The following PTPRE variants were observed in gnomAD, a reference collection of about 807,000 sequenced individuals.
The protein encoded by PTPRE is receptor-type tyrosine-protein phosphatase epsilon.
A neutral mutation model predicts 102.0 loss-of-function variants in PTPRE; 51 were observed. The observed-to-expected ratio is 0.50, with a 90% confidence interval of 0.40 to 0.63. The LOEUF is 0.63. PTPRE is among the 30% of genes least tolerant of loss of function. The pLI, the probability that PTPRE is intolerant of heterozygous loss-of-function variation, is 0.00. For missense variants in PTPRE, 752 were observed against 915.1 expected, an observed-to-expected ratio of 0.82 and a Z score of 2.30; for synonymous variants, 345 against 348.2, an observed-to-expected ratio of 0.99 and a Z score of 0.10.
chr10:127,968,792 T>C lies in PTPRE; in HGVS notation c.-30-13482T>C, dbSNP rs567497683. 1.1e-4 allele frequency among the ~76,000 whole-genome samples: 17 copies of C among 152,372 alleles called. 1 individual carries two copies. In the South Asian group the frequency reaches 3.5e-3, roughly 32 times the overall value. ...TTAAAAATATGTTGTGGCAGCACTT[T>C]GCATGAGCAGACCATAGTATAAATG... On this transcript the variant is annotated intron_variant, in intron 1 of 20. Transcript: ENST00000254667.
At chr10:128,040,452 G>T (rs1330454493) in intron 2 of PTPRE, among the ~76,000 whole-genome samples, 1 of 152,174 alleles carries the variant, frequency 6.6e-6, no homozygotes, top group East Asian at 1.9e-4. Context: ...CGTGGCCAGA[G>T]AACAGGGCTT....
At chr10:127,911,020 T>A (rs1208239127) in intron 1 of PTPRE, among the ~76,000 whole-genome samples, 1 of 152,184 alleles carries the variant, frequency 6.6e-6, no homozygotes, top group East Asian at 1.9e-4. Context: ...AGGTCAGGGC[T>A]GCAGTGAGCC....
chr10:128,043,879 C>T (rs528639991), intron 3 of PTPRE, among the ~76,000 whole-genome samples: 5 of 152,270 alleles, frequency 3.3e-5, no homozygotes, highest in Non-Finnish European at 7.4e-5. Flanking sequence ...GGAGAACTGC[C>T]CCGTGGTGCA....
At chr10:127,919,337 G>C (rs1846430477) in intron 1 of PTPRE, among the ~76,000 whole-genome samples, 2 of 152,210 alleles carry the variant, frequency 1.3e-5, no homozygotes, top group Admixed American at 1.3e-4. Flanking sequence ...TTGCGCTTTA[G>C]ATGTTAACAA....
Position 128,085,227 on chromosome 10 carries a change from T to G in PTPRE, c.*2321T>G, listed in dbSNP as rs749328679. The G allele has an allele frequency of 1.3e-5, 5 of 384,648 alleles. No individual in the cohort carries two copies. Among genetic ancestry groups the G allele is most frequent in the Non-Finnish European group, 2.6e-5 (5 of 189,480 alleles). 23.8% of individuals were successfully genotyped at this position (384,648 alleles called of 1,614,324 possible). On this transcript the variant is annotated 3_prime_UTR_variant, in exon 21 of 21. Coordinates refer to ENST00000254667, the MANE Select transcript of PTPRE (RefSeq NM_006504.6). Reference sequence around the variant, plus strand: ...TCCTGGGCCTTGGAGCACCTCACGCTGGGGGAATCAATCCCTGAGGGACTC... The same window carrying G: ...TCCTGGGCCTTGGAGCACCTCACGCGGGGGGAATCAATCCCTGAGGGACTC...
chr10:127,977,027 TA>T (rs1267495162), intron 1 of PTPRE, among the ~76,000 whole-genome samples: 1 of 152,220 alleles, frequency 6.6e-6, no homozygotes, highest in Non-Finnish European at 1.5e-5. Flanking sequence ...GTTATTTTTT[TA>T]TTTGGAGTAA....
intron 1 of PTPRE, among the ~76,000 whole-genome samples, chr10:127,937,201 T>C (rs1847900423): frequency 6.6e-6 from 1 of 152,214 alleles, no homozygotes; most frequent in South Asian, 2.1e-4. Context: ...AACTTGTATT[T>C]ATTCACATGA....
chr10:127,931,469 C>A (rs115128770), intron 1 of PTPRE, among the ~76,000 whole-genome samples: 1,681 of 152,338 alleles, frequency 0.011, 29 homozygotes, highest in African/African-American at 0.038. Context: ...AAGTCCGCCT[C>A]AAGGCAGAAG....
chr10:127,940,522 G>A (rs551021319), intron 1 of PTPRE, among the ~76,000 whole-genome samples: 3 of 152,158 alleles, frequency 2.0e-5, no homozygotes, highest in South Asian at 2.1e-4. Flanking sequence ...CACTGGCAGA[G>A]TCCCCCTGCT....
At chr10:128,035,237 G>T (rs1847109924) in intron 2 of PTPRE, among the ~76,000 whole-genome samples, 1 of 151,100 alleles carries the variant, frequency 6.6e-6, no homozygotes, top group African/African-American at 2.4e-5. Context: ...TGTCGGCCTG[G>T]GCATCCAAAA....
chr10:127,929,415 A>G (rs2135225720), intron 1 of PTPRE: 1 of 152,358 alleles, frequency 6.6e-6, no homozygotes, highest in East Asian at 1.9e-4. Flanking sequence ...TTTTTAAGAG[A>G]TCAGCAAAGA....
chr10:128,002,164 C>T (rs1853984378), intron 2 of PTPRE, among the ~76,000 whole-genome samples: 2 of 152,142 alleles, frequency 1.3e-5, no homozygotes, highest in Non-Finnish European at 2.9e-5. Context: ...ACAGCCAGAG[C>T]CTATGTGTCT....
intron 1 of PTPRE, among the ~76,000 whole-genome samples, chr10:127,918,312 A>C (rs1846351015): frequency 6.6e-6 from 1 of 152,010 alleles, no homozygotes; most frequent in Non-Finnish European, 1.5e-5. Context: ...TAATACCATC[A>C]CTTTTGGAGG....
intron 6 of PTPRE, among the ~76,000 whole-genome samples, chr10:128,052,692 G>T (rs931173896): frequency 1.3e-5 from 2 of 152,144 alleles, no homozygotes; most frequent in Admixed American, 6.5e-5. Context: ...AGACAGGCTC[G>T]TCCCTACCTC....
chr10:127,939,220 A>C (rs1429630179), intron 1 of PTPRE, among the ~76,000 whole-genome samples: 2 of 152,182 alleles, frequency 1.3e-5, no homozygotes, highest in African/African-American at 4.8e-5. Context: ...ATGACTTGAG[A>C]AATTTTTCTT....
chr10:127,959,113 C>T (rs1374047299), intron 1 of PTPRE, among the ~76,000 whole-genome samples: 1 of 152,208 alleles, frequency 6.6e-6, no homozygotes, highest in Admixed American at 6.5e-5. Flanking sequence ...TCAGGCTGGT[C>T]TCGAACTCCC....
Position 127,986,426 on chromosome 10 carries a change from C to T in PTPRE, c.-8+4130C>T, listed in dbSNP as rs192412633. On this transcript the variant is annotated intron_variant, in intron 2 of 20. Transcript: ENST00000254667. ...TCTTTGAGGTCTTATATTGTTATAC[C>T]TAAGGGTATCCACTAGTAAGTAAAA... 1.1e-3 allele frequency among the ~76,000 whole-genome samples: 170 copies of T among 152,232 alleles called. 1 individual carries two copies. The highest frequency in any genetic ancestry group is 3.9e-3 in the African/African-American group (162 of 41,548).
chr10:127,961,692 C>T (rs553956281), intron 1 of PTPRE, among the ~76,000 whole-genome samples: 2 of 152,290 alleles, frequency 1.3e-5, no homozygotes, highest in Non-Finnish European at 2.9e-5. Context: ...GTGTGACTCT[C>T]CCCAGCGTCT....
rs764249876 is a variant in PTPRE at position 128,063,090 on chromosome 10, A to G, written c.633A>G (p.Lys211=). The change falls in exon 10 of 21, where the codon AAA becomes AAG. Residue 211 remains lysine (K), a synonymous_variant. Coordinates refer to ENST00000254667, the MANE Select transcript of PTPRE (RefSeq NM_006504.6). ...KNKFIAAQGP[K]QETVNDFWRM... is the part of the protein sequence containing the mutation. ...ATTGTCCTCTACACACAGGTCCCAAACAGGAAACGGTTAACGACTTCTGGA... is the reference window on the plus strand; with the variant it reads ...ATTGTCCTCTACACACAGGTCCCAAGCAGGAAACGGTTAACGACTTCTGGA... The G allele has an allele frequency of 3.7e-6, 6 of 1,614,212 alleles. No individual in the cohort carries two copies. Among genetic ancestry groups the G allele is most frequent in the Non-Finnish European group, 5.1e-6 (6 of 1,180,040 alleles).
Sources: allele counts gnomAD v4.1 joint callset (sites outside exome capture counted in the v4.1 genomes callset), GRCh38; gene constraint gnomAD v4.1.1; transcripts MANE v1.5; gene names NCBI Gene and HGNC (gene_info 2026-07-23, HGNC 2026-07-21).